BLOC1S5: variants seen among roughly 807,000 people sequenced by gnomAD.
BLOC1S5 encodes biogenesis of lysosomal organelles complex 1 subunit 5, also known as biogenesis of lysosome-related organelles complex 1 subunit 5.
Under a neutral mutation model 24.3 loss-of-function variants are expected in BLOC1S5, and 27 were observed. The ratio of observed to expected loss-of-function variants is 1.11; its 90% CI spans 0.82 to 1.53. The LOEUF (loss-of-function observed/expected upper bound fraction) is 1.53. Ranked by LOEUF, BLOC1S5 falls within the 40% of genes most tolerant of loss-of-function variation. The pLI is 0.00. For missense variants in BLOC1S5, 239 were observed against 229.4 expected (o/e 1.04, Z -0.27); for synonymous variants, 84 against 74.5 (o/e 1.13, Z -0.66).
At chr6:8,034,462 A>G (rs920523593) in intron 3 of BLOC1S5, among the ~76,000 whole-genome samples, 2 of 152,192 alleles carry the variant, frequency 1.3e-5, no homozygotes, top group South Asian at 2.1e-4. Context: ...GGAACATCAC[A>G]TGCTGGGGCC....
intron 3 of BLOC1S5, among the ~76,000 whole-genome samples, chr6:8,029,046 C>T (rs2815130): frequency 0.46 from 69,660 of 151,952 alleles, 16,620 homozygotes; most frequent in East Asian, 0.81. Flanking sequence ...CCGCATACCA[C>T]AGTTAACAAT....
At chr6:8,043,553 G>C (rs1763766510) in intron 2 of BLOC1S5, among the ~76,000 whole-genome samples, 1 of 152,132 alleles carries the variant, frequency 6.6e-6, no homozygotes, top group Non-Finnish European at 1.5e-5. Context: ...CGGAGGAACT[G>C]TCACAGACCA....
intron 2 of BLOC1S5, among the ~76,000 whole-genome samples, chr6:8,058,562 T>C (rs1399128522): frequency 1.3e-5 from 2 of 151,876 alleles, no homozygotes; most frequent in Non-Finnish European, 2.9e-5. Context: ...AGAGGACGGG[T>C]TACTGTGGTC....
chr6:8,033,308 C>T (rs1429964381), intron 3 of BLOC1S5, among the ~76,000 whole-genome samples: 1 of 152,136 alleles, frequency 6.6e-6, no homozygotes, highest in Non-Finnish European at 1.5e-5. Context: ...GGACAGACGC[C>T]TCAGAAATAA....
At chr6:8,050,600 A>AC (rs1764073743) in intron 2 of BLOC1S5, among the ~76,000 whole-genome samples, 1 of 114,554 alleles carries the variant, frequency 8.7e-6, no homozygotes, top group African/African-American at 3.0e-5. Flanking sequence ...TGGAAAAGAA[A>AC]CTTTTTTTTT....
At chr6:8,056,042 CTTCTCT>C (rs1764292184) in intron 2 of BLOC1S5, among the ~76,000 whole-genome samples, 1 of 152,188 alleles carries the variant, frequency 6.6e-6, no homozygotes, top group African/African-American at 2.4e-5. Context: ...GTTCAGCCCC[CTTCTCT>C]TTCTCTCTTA....
intron 2 of BLOC1S5, among the ~76,000 whole-genome samples, chr6:8,059,164 C>T (rs1764430768): frequency 6.6e-6 from 1 of 152,206 alleles, no homozygotes; most frequent in Admixed American, 6.5e-5. Flanking sequence ...AAGGATTCCA[C>T]CTGAAAGGTG....
chr6:8,041,639 C>CT (rs1763689588), intron 2 of BLOC1S5, among the ~76,000 whole-genome samples: 1 of 79,270 alleles, frequency 1.3e-5, no homozygotes, highest in South Asian at 6.0e-4. Flanking sequence ...TTAGTAATTA[C>CT]TTTCTTTCTT....
At chr6:8,034,696 T>C (rs986879323) in intron 3 of BLOC1S5, among the ~76,000 whole-genome samples, 1 of 152,164 alleles carries the variant, frequency 6.6e-6, no homozygotes, top group African/African-American at 2.4e-5. Context: ...CTGGTGGGAA[T>C]GTAAACTAGT....
intron 3 of BLOC1S5, among the ~76,000 whole-genome samples, chr6:8,033,233 C>A (rs1014520177): frequency 6.6e-6 from 1 of 152,142 alleles, no homozygotes; most frequent in Admixed American, 6.5e-5. Context: ...AACTATACTA[C>A]AAGGCTACAG....
At chr6:8,018,652 G>A (rs1762819162) in intron 4 of BLOC1S5, among the ~76,000 whole-genome samples, 1 of 152,096 alleles carries the variant, frequency 6.6e-6, no homozygotes, top group Non-Finnish European at 1.5e-5. Context: ...TTAAAATGAG[G>A]AAAATAAATA....
intron 3 of BLOC1S5, among the ~76,000 whole-genome samples, chr6:8,032,600 C>T (rs137962642): frequency 3.3e-4 from 50 of 152,116 alleles, no homozygotes; most frequent in Non-Finnish European, 7.4e-5. Context: ...CACTCCTATT[C>T]AATGTAGTGT....
chr6:8,029,346 T>C (rs900525259), intron 3 of BLOC1S5, among the ~76,000 whole-genome samples: 2 of 152,178 alleles, frequency 1.3e-5, no homozygotes, highest in Non-Finnish European at 2.9e-5. Context: ...GTAACATTCC[T>C]TCCCCAACCT....
intron 2 of BLOC1S5, among the ~76,000 whole-genome samples, chr6:8,042,720 A>G (rs1763737448): frequency 6.6e-6 from 1 of 152,176 alleles, no homozygotes; most frequent in Non-Finnish European, 1.5e-5. Context: ...CTTCCATTGT[A>G]GATCAGGGAA....
Position 8,015,639 on chromosome 6 carries a change from G to A in BLOC1S5, c.*10C>T, listed in dbSNP as rs528729451. On this transcript the variant is annotated 3_prime_UTR_variant, in exon 5 of 5. Transcript: ENST00000397457. ...TTCTCATTAGTTTGTGATTGTTGTGGTTCAAGTTCTTAAAAGGTTGAAAAT... is the reference window on the plus strand; with the variant it reads ...TTCTCATTAGTTTGTGATTGTTGTGATTCAAGTTCTTAAAAGGTTGAAAAT... The A allele has an allele frequency of 3.7e-6, 6 of 1,608,788 alleles. No individual in the cohort carries two copies. Among genetic ancestry groups the A allele is most frequent in the South Asian group, 3.3e-5 (3 of 89,918 alleles).
At chr6:8,029,845 G>T (rs1645117416) in intron 3 of BLOC1S5, among the ~76,000 whole-genome samples, 1 of 152,194 alleles carries the variant, frequency 6.6e-6, no homozygotes, top group Non-Finnish European at 1.5e-5. Flanking sequence ...AAGAAAAAAA[G>T]AAATCTGCAG....
At chr6:8,062,893 C>A (rs1425454786) in intron 1 of BLOC1S5, among the ~76,000 whole-genome samples, 1 of 151,954 alleles carries the variant, frequency 6.6e-6, no homozygotes. Context: ...ATGAGTAAGG[C>A]CATTTATACA....
At chr6:8,060,848 A>T (rs1764485181) in intron 2 of BLOC1S5, among the ~76,000 whole-genome samples, 1 of 152,070 alleles carries the variant, frequency 6.6e-6, no homozygotes, top group African/African-American at 2.4e-5. Context: ...TTTTTGAGAC[A>T]GAGTCTTGCT....
At chr6:8,032,028 A>G (rs1019508956) in intron 3 of BLOC1S5, among the ~76,000 whole-genome samples, 3 of 152,228 alleles carry the variant, frequency 2.0e-5, no homozygotes, top group Non-Finnish European at 2.9e-5. Context: ...AGAAGATGAC[A>G]TTGGAAAAAC....
Sources: gnomAD v4.1 joint callset for allele counts (sites outside exome capture counted in the v4.1 genomes callset) on GRCh38, gnomAD v4.1.1 for gene constraint, MANE v1.5 for transcripts, NCBI Gene and HGNC (gene_info 2026-07-23, HGNC 2026-07-21) for gene names.